NAMPT: variants seen among roughly 807,000 people sequenced by gnomAD.
NAMPT encodes NAmPRTase.
NAMPT carries 7 observed loss-of-function variants against 58.7 expected under a neutral mutation model. That is an observed-to-expected ratio of 0.12 (90% CI 0.07 to 0.22). The LOEUF is 0.22. Among genes scored for constraint, NAMPT ranks in the 10% least tolerant of loss-of-function variants. The probability of loss-of-function intolerance (pLI) is 1.00; values close to 1 mark genes in which losing one functional copy is unlikely to be tolerated. For missense variants in NAMPT, 271 were observed against 567.9 expected (o/e 0.48, Z 5.31); for synonymous variants, 145 against 198.1 (o/e 0.73, Z 2.25).
chr7:106,274,299 A>G (rs1792591906), intron 3 of NAMPT, among the ~76,000 whole-genome samples: 1 of 151,922 alleles, frequency 6.6e-6, no homozygotes, highest in African/African-American at 2.4e-5. Context: ...CCTATAGTGT[A>G]TTTTCAAGAA....
chr7:106,280,915 T>A (rs1160634721), intron 1 of NAMPT, among the ~76,000 whole-genome samples: 1 of 151,328 alleles, frequency 6.6e-6, no homozygotes, highest in African/African-American at 2.4e-5. Flanking sequence ...CACTCCAGCC[T>A]GGGCAACAGA....
upstream of NAMPT, chr7:106,285,000 AG>A: frequency 7.3e-7 from 1 of 1,373,002 alleles, no homozygotes; most frequent in Admixed American, 2.2e-5. Flanking sequence ...TCGGCGGAGG[AG>A]GGGGAGAGGG....
intron 1 of NAMPT, among the ~76,000 whole-genome samples, chr7:106,278,380 A>C (rs949061784): frequency 3.3e-5 from 5 of 152,150 alleles, no homozygotes; most frequent in Admixed American, 6.5e-5. Context: ...AAATCTTTAT[A>C]GTAACAAGTG....
intron 1 of NAMPT, among the ~76,000 whole-genome samples, chr7:106,278,419 T>C (rs1403051596): frequency 1.3e-5 from 2 of 152,102 alleles, no homozygotes; most frequent in African/African-American, 2.4e-5. Flanking sequence ...AGCAGGAGAC[T>C]TGGAGCTGTT....
chr7:106,271,143 C>G (rs553725734), intron 4 of NAMPT, among the ~76,000 whole-genome samples: 31 of 152,222 alleles, frequency 2.0e-4, no homozygotes, highest in Non-Finnish European at 4.0e-4. Flanking sequence ...CGGTCATCTA[C>G]TGTCCATGGG....
chr7:106,255,597 CTT>C (rs1000572320), intron 8 of NAMPT, among the ~76,000 whole-genome samples: 3 of 152,144 alleles, frequency 2.0e-5, no homozygotes, highest in African/African-American at 7.2e-5. Flanking sequence ...AGAAATGCAA[CTT>C]TCTTTTTAAA....
intron 1 of NAMPT, among the ~76,000 whole-genome samples, chr7:106,283,425 A>T (rs1792803091): frequency 6.6e-6 from 1 of 152,194 alleles, no homozygotes; most frequent in East Asian, 1.9e-4. Flanking sequence ...ACCTCCCTTT[A>T]CATTTGGCTA....
At chr7:106,259,502 A>G (rs1792265885) in intron 8 of NAMPT, among the ~76,000 whole-genome samples, 1 of 152,102 alleles carries the variant, frequency 6.6e-6, no homozygotes, top group Admixed American at 6.5e-5. Flanking sequence ...ATCTTGGCAC[A>G]CTACAGCCTC....
At chr7:106,261,814 TAAC>T in intron 7 of NAMPT, 107 bp from the exon 8 acceptor site, 2 of 1,221,702 alleles carry the variant, frequency 1.6e-6, no homozygotes, top group Non-Finnish European at 2.3e-6. Context: ...ATATAAAAAT[TAAC>T]TACTTTAAAA....
chr7:106,249,723 C>G lies in NAMPT; in HGVS notation c.*1360G>C, dbSNP rs572095672. 3.9e-5 allele frequency: 6 copies of G among 152,158 alleles called. No individual in the cohort carries two copies. Among genetic ancestry groups the G allele is most frequent in the African/African-American group, 1.4e-4 (6 of 41,548 alleles). The allele number at this position is 152,158 out of a possible 1,614,324, so 9.4% of individuals were successfully genotyped here. ...TAGTGGGAAAGCAGCCATAGACAATCTGCATTTATAAAAAGAAGTCCAAAT... is the reference window on the plus strand; with the variant it reads ...TAGTGGGAAAGCAGCCATAGACAATGTGCATTTATAAAAAGAAGTCCAAAT... On this transcript the variant is annotated 3_prime_UTR_variant, in exon 11 of 11. Coordinates refer to ENST00000222553, the MANE Select transcript of NAMPT (RefSeq NM_005746.3).
At chr7:106,263,715 T>A (rs910156659) in intron 6 of NAMPT, 98 bp from the exon 7 acceptor site, 2 of 885,328 alleles carry the variant, frequency 2.3e-6, no homozygotes, top group Admixed American at 4.2e-5. Flanking sequence ...TACCAAACCA[T>A]CAACATCACA....
In NAMPT at chr7:106,255,862, G is replaced by A. The variant is rs139067950; in HGVS notation, c.1090-1358C>T. On this transcript the variant is annotated intron_variant, in intron 8 of 10. Coordinates refer to ENST00000222553, the MANE Select transcript of NAMPT (RefSeq NM_005746.3). The stretch of plus-strand genomic sequence containing the variant: ...GGGAAGAAAAGGGAAACAGGTAGAT[G>A]GAGGGTAAGGTAAAATATAGAGAAA... Among the ~76,000 whole-genome samples, 84 of 152,258 alleles carry A rather than the reference G, an allele frequency of 5.5e-4. 1 individual carries two copies. In the East Asian group the frequency reaches 0.016, roughly 28 times the overall value.
chr7:106,284,964 G>A lies in NAMPT; in HGVS notation c.-80C>T, dbSNP rs1486744139. The A allele has an allele frequency of 1.4e-5, 22 of 1,534,570 alleles. No homozygotes were observed. The Admixed American group carries it at 3.4e-4, about 23-fold the overall frequency. ...GAAGGAGAAAAATGAGCTTCACCGC[G>A]CTCCGTTGCTTAAGTCACTGCTCGG... is the stretch of plus-strand genomic sequence containing the variant. On this transcript the variant is annotated 5_prime_UTR_variant, in exon 1 of 11. Coordinates refer to ENST00000222553, the MANE Select transcript of NAMPT (RefSeq NM_005746.3).
chr7:106,280,349 T>A (rs1254838366), intron 1 of NAMPT, among the ~76,000 whole-genome samples: 1 of 152,172 alleles, frequency 6.6e-6, no homozygotes, highest in Non-Finnish European at 1.5e-5. Context: ...TGGGGAAGGC[T>A]ATCAAATGGT....
intron 8 of NAMPT, among the ~76,000 whole-genome samples, chr7:106,256,699 G>A (rs1792206184): frequency 2.0e-5 from 3 of 152,192 alleles, no homozygotes; most frequent in African/African-American, 7.2e-5. Context: ...GCTACTAAGT[G>A]TTCTGAGCAC....
At chr7:106,259,082 T>C (rs1792259103) in intron 8 of NAMPT, among the ~76,000 whole-genome samples, 1 of 152,244 alleles carries the variant, frequency 6.6e-6, no homozygotes. Context: ...TTCAACGATG[T>C]TCACAGCATC....
intron 6 of NAMPT, among the ~76,000 whole-genome samples, chr7:106,267,812 G>C (rs955840861): frequency 5.8e-5 from 6 of 104,292 alleles, no homozygotes; most frequent in East Asian, 3.4e-4. Flanking sequence ...CTGCACTCCA[G>C]CCTGGGCGAC....
At chr7:106,254,970 G>GT (rs1425039347) in intron 8 of NAMPT, among the ~76,000 whole-genome samples, 1 of 152,144 alleles carries the variant, frequency 6.6e-6, no homozygotes, top group Non-Finnish European at 1.5e-5. Flanking sequence ...AATGGAACAT[G>GT]TAAGAATCAA....
intron 1 of NAMPT, 85 bp downstream of exon 1, chr7:106,284,734 CCCAACCCCA>C: frequency 1.3e-6 from 1 of 753,416 alleles, no homozygotes; most frequent in Non-Finnish European, 1.8e-6. Flanking sequence ...CAGCCCCAGC[CCCAACCCCA>C]GCCCCAGCCG....
Sources: allele counts gnomAD v4.1 joint callset (sites outside exome capture counted in the v4.1 genomes callset), GRCh38; gene constraint gnomAD v4.1.1; transcripts MANE v1.5; gene names NCBI Gene and HGNC (gene_info 2026-07-23, HGNC 2026-07-21).